SORBS2: variants seen among roughly 807,000 people sequenced by gnomAD.
SORBS2 encodes sorbin and SH3 domain-containing protein 2.
Under a neutral mutation model 97.7 loss-of-function variants are expected in SORBS2, and 46 were observed. That is an observed-to-expected ratio of 0.47 (90% CI 0.37 to 0.60). SORBS2 has a LOEUF of 0.60. Ranked by LOEUF, SORBS2 falls within the 20% of genes least tolerant of loss-of-function variation. The pLI is 0.00. For missense variants in SORBS2, 1,316 were observed against 1,282.3 expected, an observed-to-expected ratio of 1.03 and a Z score of -0.40; for synonymous variants, 476 against 473.4, an observed-to-expected ratio of 1.01 and a Z score of -0.07.
intron 2 of SORBS2, among the ~76,000 whole-genome samples, chr4:185,707,256 C>G (rs1336721799): frequency 2.0e-5 from 3 of 152,154 alleles, no homozygotes; most frequent in African/African-American, 4.8e-5. Flanking sequence ...CAAGGTCACA[C>G]AGCTATTAAG....
At chr4:185,849,142 C>G (rs1376121412) in intron 1 of SORBS2, among the ~76,000 whole-genome samples, 2 of 152,084 alleles carry the variant, frequency 1.3e-5, no homozygotes, top group South Asian at 2.1e-4. Context: ...GTTCCAGGAC[C>G]CTGTCAGATT....
At chr4:185,909,985 G>GAAAAA (rs142443290) in intron 1 of SORBS2, among the ~76,000 whole-genome samples, 79 of 112,352 alleles carry the variant, frequency 7.0e-4, no homozygotes, top group African/African-American at 7.9e-4. Context: ...CTCCATCTCA[G>GAAAAA]AAAAAAAAAA....
At chr4:185,886,213 T>C (rs773938498) in intron 1 of SORBS2, among the ~76,000 whole-genome samples, 1 of 152,048 alleles carries the variant, frequency 6.6e-6, no homozygotes, top group Non-Finnish European at 1.5e-5. Context: ...TGAAAGGAAA[T>C]GTGAGGTGGG....
chr4:185,917,825 C>T (rs1438234566), intron 1 of SORBS2, among the ~76,000 whole-genome samples: 3 of 152,042 alleles, frequency 2.0e-5, no homozygotes, highest in African/African-American at 7.2e-5. Context: ...GGGAAAACCT[C>T]CCTGACATTT....
chr4:185,860,407 C>A (rs1416280314), intron 1 of SORBS2, among the ~76,000 whole-genome samples: 1 of 152,192 alleles, frequency 6.6e-6, no homozygotes, highest in Non-Finnish European at 1.5e-5. Context: ...TGAGGGCTGG[C>A]TTTAGCTTGG....
intron 1 of SORBS2, among the ~76,000 whole-genome samples, chr4:185,874,422 G>A (rs978340071): frequency 2.0e-5 from 3 of 152,136 alleles, no homozygotes; most frequent in Admixed American, 6.6e-5. Context: ...GTAAGAGTTC[G>A]GGTCAGTCTT....
At position 185,938,584 on chromosome 4, in the gene SORBS2, T is replaced by C. The variant is rs140685286; in HGVS notation, c.-338+17612A>G. 2.9e-3 allele frequency among the ~76,000 whole-genome samples: 439 copies of C among 152,144 alleles called. 1 individual carries two copies. Among genetic ancestry groups the C allele is most frequent in the Non-Finnish European group, 3.5e-3 (236 of 67,990 alleles). On this transcript the variant is annotated intron_variant, in intron 1 of 20. Coordinates refer to the SORBS2 transcript ENST00000284776. ...ACCCAAGACTTGACCATTTCTGAGA[T>C]CCCAGTGGAAAGCATCCACTCTGAT...
At chr4:185,804,656 T>A (rs1434943821) in intron 1 of SORBS2, among the ~76,000 whole-genome samples, 1 of 152,196 alleles carries the variant, frequency 6.6e-6, no homozygotes, top group African/African-American at 2.4e-5. Context: ...AAAGTTAATA[T>A]GCATAAAACT....
chr4:185,721,069 G>A (rs1000651054), intron 2 of SORBS2, among the ~76,000 whole-genome samples: 3 of 135,848 alleles, frequency 2.2e-5, no homozygotes, highest in Non-Finnish European at 4.7e-5. Flanking sequence ...CCTAACTCCT[G>A]CTTTCCCACC....
chr4:185,587,331 A>C, exon 15 of SORBS2: 1 of 248,326 alleles, frequency 4.0e-6, no homozygotes, highest in African/African-American at 2.4e-5. Context: ...TGCCTCAAAT[A>C]TTTGACCATT....
intron 2 of SORBS2, among the ~76,000 whole-genome samples, chr4:185,742,848 G>A (rs1205520441): frequency 6.6e-6 from 1 of 152,188 alleles, no homozygotes; most frequent in Non-Finnish European, 1.5e-5. Flanking sequence ...CTTGATGTGG[G>A]ATTTGCACAC....
chr4:185,608,744 C>G (rs960677007), intron 12 of SORBS2, among the ~76,000 whole-genome samples: 1 of 152,082 alleles, frequency 6.6e-6, no homozygotes, highest in African/African-American at 2.4e-5. Context: ...CTGCTATGTG[C>G]CTAAAAGCCT....
intron 12 of SORBS2, among the ~76,000 whole-genome samples, chr4:185,598,717 T>C (rs1259483688): frequency 6.6e-6 from 1 of 152,192 alleles, no homozygotes; most frequent in Non-Finnish European, 1.5e-5. Context: ...GATGAAATTC[T>C]CCTAATAATA....
intron 1 of SORBS2, among the ~76,000 whole-genome samples, chr4:185,865,560 T>C (rs996329250): frequency 6.6e-6 from 1 of 151,242 alleles, no homozygotes; most frequent in Non-Finnish European, 1.5e-5. Context: ...TTAACGGGTA[T>C]TAAGTTCTGG....
intron 1 of SORBS2, among the ~76,000 whole-genome samples, chr4:185,867,866 G>A (rs1007827491): frequency 3.9e-5 from 6 of 152,054 alleles, no homozygotes; most frequent in South Asian, 4.2e-4. Flanking sequence ...AGGGGGCACC[G>A]TCTCTAGGGG....
At chr4:185,736,310 G>A (rs2098687393) in intron 2 of SORBS2, among the ~76,000 whole-genome samples, 1 of 152,230 alleles carries the variant, frequency 6.6e-6, no homozygotes, top group Non-Finnish European at 1.5e-5. Context: ...AGTGTGCTTT[G>A]CACCTAAGGC....
intron 1 of SORBS2, among the ~76,000 whole-genome samples, chr4:185,901,315 GC>G (rs2099247631): frequency 6.6e-6 from 1 of 152,014 alleles, no homozygotes. Context: ...GCGATCTCCT[GC>G]CTCAGCCTCA....
At chr4:185,825,491 TAAATGTAG>T (rs1370674995) in intron 1 of SORBS2, among the ~76,000 whole-genome samples, 1 of 152,368 alleles carries the variant, frequency 6.6e-6, no homozygotes, top group East Asian at 1.9e-4. Flanking sequence ...GAATTGTCTG[TAAATGTAG>T]AAACTCCTGT....
chr4:185,716,230 T>C (rs2098464140), intron 2 of SORBS2, among the ~76,000 whole-genome samples: 1 of 152,058 alleles, frequency 6.6e-6, no homozygotes, highest in African/African-American at 2.4e-5. Flanking sequence ...TAGTCAAGAG[T>C]GTAGATGCTG....
Sources: allele counts gnomAD v4.1 joint callset (sites outside exome capture counted in the v4.1 genomes callset), GRCh38; gene constraint gnomAD v4.1.1; transcripts MANE v1.5; gene names NCBI Gene and HGNC (gene_info 2026-07-23, HGNC 2026-07-21).